The following FRMD5 variants were observed in gnomAD, a reference collection of about 807,000 sequenced individuals.
The protein encoded by FRMD5 is FERM domain containing 5, also known as FERM domain-containing protein 5.
A neutral mutation model predicts 69.0 loss-of-function variants in FRMD5; 20 were observed. The observed-to-expected ratio is 0.29, with a 90% CI of 0.20 to 0.42. The LOEUF is 0.42. FRMD5 is among the 10% of genes least tolerant of loss of function. The pLI is 1.00. For synonymous variants in FRMD5, 271 were observed against 260.1 expected (o/e 1.04, Z -0.40); for missense variants, 595 against 708.6 (o/e 0.84, Z 1.82).
intron 6 of FRMD5, among the ~76,000 whole-genome samples, chr15:43,905,552 G>T (rs961241192): frequency 3.3e-5 from 5 of 152,046 alleles, no homozygotes; most frequent in Admixed American, 2.6e-4. Context: ...CCTTTCAAAG[G>T]CCAATCCCTC....
upstream of FRMD5, chr15:44,195,373 A>G (rs2078276409): frequency 1.2e-5 from 5 of 407,322 alleles, no homozygotes; most frequent in African/African-American, 4.3e-5. Context: ...GGCAGACCGA[A>G]AAGCCAATCG....
At chr15:44,186,239 T>C (rs2078099455) in intron 1 of FRMD5, among the ~76,000 whole-genome samples, 2 of 152,204 alleles carry the variant, frequency 1.3e-5, no homozygotes, top group South Asian at 2.1e-4. Flanking sequence ...TCTTGTGTTA[T>C]GATCAATGTT....
chr15:44,008,916 C>G (rs988501273), intron 1 of FRMD5, among the ~76,000 whole-genome samples: 3 of 152,090 alleles, frequency 2.0e-5, no homozygotes, highest in African/African-American at 4.8e-5. Context: ...GTCCCAGCTA[C>G]TGGGGAGGCT....
At chr15:43,930,608 C>G (rs2089658075) in intron 1 of FRMD5, among the ~76,000 whole-genome samples, 1 of 152,192 alleles carries the variant, frequency 6.6e-6, no homozygotes, top group Admixed American at 6.5e-5. Flanking sequence ...CTCACCAAAT[C>G]CTTAAATACA....
At chr15:44,024,317 T>C (rs1891340592) in intron 1 of FRMD5, among the ~76,000 whole-genome samples, 1 of 152,166 alleles carries the variant, frequency 6.6e-6, no homozygotes, top group African/African-American at 2.4e-5. Flanking sequence ...AGAATTTCTT[T>C]AAGATATATA....
chr15:44,145,075 A>C (rs906469024), intron 1 of FRMD5, among the ~76,000 whole-genome samples: 5 of 152,218 alleles, frequency 3.3e-5, no homozygotes, highest in Non-Finnish European at 7.3e-5. Flanking sequence ...ACTGAAGTAG[A>C]ATCCCAGGGG....
chr15:43,905,107 C>T (rs1207450256), intron 6 of FRMD5, among the ~76,000 whole-genome samples: 1 of 151,672 alleles, frequency 6.6e-6, no homozygotes, highest in Non-Finnish European at 1.5e-5. Flanking sequence ...AGAAGCCTGC[C>T]CTTTTTCACA....
intron 1 of FRMD5, among the ~76,000 whole-genome samples, chr15:44,049,583 GA>G (rs573854225): frequency 1.1e-4 from 16 of 151,968 alleles, no homozygotes; most frequent in African/African-American, 2.4e-4. Context: ...GAATCAATAA[GA>G]AAAAAAGATA....
intron 1 of FRMD5, among the ~76,000 whole-genome samples, chr15:44,038,152 T>A (rs886157884): frequency 1.1e-4 from 17 of 152,174 alleles, no homozygotes; most frequent in African/African-American, 2.2e-4. Context: ...GGGTTTTTTT[T>A]ATTGTAAATT....
intron 1 of FRMD5, among the ~76,000 whole-genome samples, chr15:44,050,638 G>A (rs1892621358): frequency 7.4e-6 from 1 of 135,294 alleles, no homozygotes; most frequent in Non-Finnish European, 1.6e-5. Context: ...CCAAATTACA[G>A]GTGTGAGGCA....
At chr15:44,011,152 G>T (rs1890700232) in intron 1 of FRMD5, among the ~76,000 whole-genome samples, 1 of 123,970 alleles carries the variant, frequency 8.1e-6, no homozygotes, top group Non-Finnish European at 1.8e-5. Flanking sequence ...CAGCTAAGTA[G>T]GCTTCTTTTC....
rs764489221 is a variant in FRMD5 at position 43,888,914 on chromosome 15, G to A, written c.729-42C>T. ...AGTGCCTGTCACCTCATTGTGGGCT[G>A]CTTGTTCACAGCTAAATCTTGTAGA... On this transcript the variant is annotated intron_variant, in intron 8 of 13. Coordinates refer to ENST00000417257, the MANE Select transcript of FRMD5 (RefSeq NM_032892.5). The A allele has an allele frequency of 4.5e-6, 7 of 1,548,474 alleles. No individual in the cohort carries two copies. In the Admixed American group the frequency reaches 1.2e-4, roughly 26 times the overall value.
At chr15:44,151,018 G>A (rs1237175553) in intron 1 of FRMD5, among the ~76,000 whole-genome samples, 1 of 151,916 alleles carries the variant, frequency 6.6e-6, no homozygotes, top group African/African-American at 2.4e-5. Context: ...CTTCAACTTG[G>A]GAAGCAGAGG....
intron 1 of FRMD5, chr15:43,988,962 A>T: frequency 1.6e-6 from 1 of 632,086 alleles, no homozygotes; most frequent in Non-Finnish European, 3.0e-6. Flanking sequence ...ACAAAACAAA[A>T]CAAAATAAAA....
chr15:43,914,729 T>TC (rs1167181946), intron 4 of FRMD5, among the ~76,000 whole-genome samples: 1 of 139,726 alleles, frequency 7.2e-6, no homozygotes, highest in Non-Finnish European at 1.5e-5. Context: ...CTACCTTTTT[T>TC]TTTTTTTTTT....
intron 6 of FRMD5, among the ~76,000 whole-genome samples, chr15:43,903,808 G>A (rs1041075538): frequency 2.0e-5 from 3 of 152,160 alleles, no homozygotes; most frequent in Non-Finnish European, 4.4e-5. Context: ...GGGATCCCCT[G>A]CTTTGAACTA....
intron 1 of FRMD5, among the ~76,000 whole-genome samples, chr15:44,023,640 G>A (rs926881612): frequency 6.6e-6 from 1 of 152,106 alleles, no homozygotes; most frequent in Admixed American, 6.5e-5. Context: ...GGACTTGTTT[G>A]CAGTCCATAC....
intron 1 of FRMD5, among the ~76,000 whole-genome samples, chr15:44,162,825 C>A (rs1478441062): frequency 6.9e-6 from 1 of 145,366 alleles, no homozygotes; most frequent in Admixed American, 7.0e-5. Context: ...CAAGATCGGG[C>A]CACTGTACTC....
rs115185530 is a variant in FRMD5, at chr15:43,874,372, C to G, written c.1226G>C (p.Arg409Pro). ...DTFLPHVRSS[R>P]TDSNERVAVI... ...AGCTACTCGCTCATTGCTATCTGTC[C>G]GGCTGCTTCTCACGTGAGGCAGGAA... The change falls in exon 14 of 14, where the codon CGG (arginine) becomes CCG (proline). Residue 409 changes from arginine (R) to proline (P), a missense_variant. Coordinates refer to ENST00000417257, the MANE Select transcript of FRMD5 (RefSeq NM_032892.5). 1 of 1,614,188 alleles carries G rather than the reference C, an allele frequency of 6.2e-7. No homozygotes were observed.
Sources: gnomAD v4.1 joint callset for allele counts (sites outside exome capture counted in the v4.1 genomes callset) on GRCh38, gnomAD v4.1.1 for gene constraint, MANE v1.5 for transcripts, NCBI Gene and HGNC (gene_info 2026-07-23, HGNC 2026-07-21) for gene names.